SIPA1L1: variants seen among roughly 807,000 people sequenced by gnomAD.
SIPA1L1 encodes the protein signal induced proliferation associated 1 like 1.
SIPA1L1 carries 26 observed loss-of-function variants against 162.7 expected under a neutral mutation model. That is an observed-to-expected ratio of 0.16 (90% confidence interval 0.12 to 0.22). SIPA1L1 has a LOEUF of 0.22. Among genes scored for constraint, SIPA1L1 ranks in the 10% least tolerant of loss-of-function variants. The probability of loss-of-function intolerance (pLI) is 1.00; values close to 1 mark genes in which losing one functional copy is unlikely to be tolerated. For missense variants in SIPA1L1, 1,874 were observed against 2,241.0 expected, an observed-to-expected ratio of 0.84 and a Z score of 3.31; for synonymous variants, 829 against 837.4, an observed-to-expected ratio of 0.99 and a Z score of 0.17.
chr14:71,735,238 G>A, intron 21 of SIPA1L1, 39 bp from the exon 22 acceptor site: 1 of 1,393,518 alleles, frequency 7.2e-7, no homozygotes, highest in South Asian at 1.2e-5. Context: ...CCAGGGATGT[G>A]GTTCCAAAAT....
intron 2 of SIPA1L1, among the ~76,000 whole-genome samples, chr14:71,511,273 A>G (rs1371358642): frequency 1.3e-5 from 2 of 151,674 alleles, no homozygotes; most frequent in African/African-American, 4.8e-5. Context: ...TGACAGGAGC[A>G]TTTTCAGCCC....
chr14:71,333,745 C>T (rs2034799295), intron 2 of SIPA1L1, among the ~76,000 whole-genome samples: 1 of 152,108 alleles, frequency 6.6e-6, no homozygotes, highest in Admixed American at 6.5e-5. Flanking sequence ...GGGTTTTGTA[C>T]AAAGGGTTTT....
intron 4 of SIPA1L1, among the ~76,000 whole-genome samples, chr14:71,544,686 C>G (rs2055017965): frequency 6.6e-6 from 1 of 151,996 alleles, no homozygotes; most frequent in African/African-American, 2.4e-5. Context: ...TTTCCTGTTT[C>G]TATCTAGTAC....
chr14:71,420,585 T>C (rs1267100348), intron 2 of SIPA1L1, among the ~76,000 whole-genome samples: 1 of 152,228 alleles, frequency 6.6e-6, no homozygotes, highest in African/African-American at 2.4e-5. Flanking sequence ...CTATCTCTGC[T>C]ATCACTTTTA....
At chr14:71,559,339 A>G (rs1279383837) in intron 4 of SIPA1L1, among the ~76,000 whole-genome samples, 3 of 152,284 alleles carry the variant, frequency 2.0e-5, no homozygotes, top group East Asian at 3.9e-4. Flanking sequence ...AAGTGCTGAG[A>G]TTATAGTCTT....
intron 4 of SIPA1L1, among the ~76,000 whole-genome samples, chr14:71,544,677 T>C (rs1322344015): frequency 1.3e-5 from 2 of 152,156 alleles, no homozygotes; most frequent in African/African-American, 2.4e-5. Context: ...TTGCACTGTT[T>C]TCCTGTTTCT....
intron 2 of SIPA1L1, among the ~76,000 whole-genome samples, chr14:71,351,800 GTATAATTAA>G (rs1566920436): frequency 6.6e-6 from 1 of 152,042 alleles, no homozygotes; most frequent in African/African-American, 2.4e-5. Flanking sequence ...GGGCAATGCT[GTATAATTAA>G]TAGATTAATT....
intron 2 of SIPA1L1, among the ~76,000 whole-genome samples, chr14:71,403,649 C>T (rs2041839423): frequency 6.8e-6 from 1 of 146,988 alleles, no homozygotes; most frequent in Non-Finnish European, 1.5e-5. Flanking sequence ...TTTTCACATT[C>T]TACTTTTTTA....
intron 12 of SIPA1L1, among the ~76,000 whole-genome samples, chr14:71,684,836 C>A (rs2046142772): frequency 6.6e-6 from 1 of 151,410 alleles, no homozygotes; most frequent in Admixed American, 6.6e-5. Flanking sequence ...TGCTTGTATA[C>A]CCTTTTGGAG....
chr14:71,350,482 T>C (rs2036593363), intron 2 of SIPA1L1, among the ~76,000 whole-genome samples: 2 of 152,160 alleles, frequency 1.3e-5, no homozygotes, highest in African/African-American at 4.8e-5. Context: ...TGCCACCGAT[T>C]GGCAAAACCT....
At chr14:71,535,940 A>T (rs2053856770) in intron 4 of SIPA1L1, among the ~76,000 whole-genome samples, 1 of 152,162 alleles carries the variant, frequency 6.6e-6, no homozygotes, top group South Asian at 2.1e-4. Flanking sequence ...GGTTTTTAAC[A>T]TAGTGTATCT....
intron 2 of SIPA1L1, among the ~76,000 whole-genome samples, chr14:71,357,121 C>A (rs1254337704): frequency 1.3e-5 from 2 of 152,110 alleles, no homozygotes; most frequent in African/African-American, 4.8e-5. Context: ...GTGGCGTGAT[C>A]GTAGCTCACA....
chr14:71,672,219 A>G, intron 11 of SIPA1L1, 129 bp from the exon 12 acceptor site: 1 of 861,756 alleles, frequency 1.2e-6, no homozygotes, highest in Non-Finnish European at 1.8e-6. Context: ...AGAGGAAATA[A>G]CCAGACTGCT....
chr14:71,487,682 T>C (rs2048887075), intron 2 of SIPA1L1, among the ~76,000 whole-genome samples: 1 of 152,176 alleles, frequency 6.6e-6, no homozygotes, highest in Non-Finnish European at 1.5e-5. Context: ...GGAAGTGAGA[T>C]CTGTGGATCC....
chr14:71,429,106 G>A (rs2043796690), intron 2 of SIPA1L1, among the ~76,000 whole-genome samples: 1 of 152,110 alleles, frequency 6.6e-6, no homozygotes, highest in Admixed American at 6.6e-5. Flanking sequence ...TTTAGTAATA[G>A]TTGCTGAGAT....
At chr14:71,448,178 A>G (rs1467588676) in intron 2 of SIPA1L1, among the ~76,000 whole-genome samples, 3 of 152,084 alleles carry the variant, frequency 2.0e-5, no homozygotes, top group Admixed American at 1.3e-4. Flanking sequence ...TCTTTCTCTT[A>G]GTTCTCTTTC....
intron 16 of SIPA1L1, among the ~76,000 whole-genome samples, chr14:71,707,809 G>GTA (rs145654871): frequency 3.0e-4 from 45 of 151,138 alleles, no homozygotes; most frequent in South Asian, 2.7e-3. Flanking sequence ...TTTCTCTTGG[G>GTA]TATATATATA....
At chr14:71,519,619 G>GT (rs2052094979) in intron 3 of SIPA1L1, among the ~76,000 whole-genome samples, 1 of 151,856 alleles carries the variant, frequency 6.6e-6, no homozygotes, top group Admixed American at 6.6e-5. Context: ...GAGGCTGGGA[G>GT]TTTGAGACCA....
intron 10 of SIPA1L1, among the ~76,000 whole-genome samples, chr14:71,664,723 A>T (rs1344926380): frequency 1.3e-5 from 2 of 152,138 alleles, no homozygotes; most frequent in East Asian, 3.8e-4. Flanking sequence ...AACTTTCTCC[A>T]CCATGAACAC....
Sources: allele counts gnomAD v4.1 joint callset (sites outside exome capture counted in the v4.1 genomes callset), GRCh38; gene constraint gnomAD v4.1.1; transcripts MANE v1.5; gene names NCBI Gene and HGNC (gene_info 2026-07-23, HGNC 2026-07-21).